Variants in CFAP58 observed in about 807,000 individuals in gnomAD.
CFAP58 encodes cilia- and flagella-associated protein 58.
A neutral mutation model predicts 119.5 loss-of-function variants in CFAP58; 88 were observed. That is an observed-to-expected ratio of 0.74 (90% CI 0.62 to 0.88). CFAP58 has a LOEUF of 0.88. Ranked by LOEUF, CFAP58 falls within the 40% of genes least tolerant of loss-of-function variation. CFAP58 has a pLI of 0.00. For missense variants in CFAP58, 990 were observed against 1,021.2 expected (o/e 0.97, Z 0.42); for synonymous variants, 365 against 366.3 (o/e 1.00, Z 0.04).
intron 15 of CFAP58, among the ~76,000 whole-genome samples, chr10:104,425,407 C>A (rs1005364519): frequency 3.3e-5 from 5 of 151,956 alleles, no homozygotes; most frequent in Non-Finnish European, 4.4e-5. Context: ...TTGGTGGGAC[C>A]AATTATATGT....
rs573751667 is a variant in CFAP58 at position 104,419,562 on chromosome 10, CT to C, written c.2256+12782del. ...TAGGGACTGTTCTTTTATCTGTGTC[CT>C]TTTTTTTTTTTTACTTTTGAAAATT... On this transcript the variant is annotated intron_variant, in intron 15 of 17. Transcript: ENST00000369704. Among the ~76,000 whole-genome samples, 646 of 142,656 alleles carry C rather than the reference CT, an allele frequency of 4.5e-3. 1 individual carries two copies. The highest frequency in any genetic ancestry group is 7.2e-3 in the Middle Eastern group (2 of 276). The allele number at this position is 142,656 out of a possible 152,430, so 93.6% of individuals were successfully genotyped here. A position where few individuals can be genotyped will look rare whatever the true frequency, so the allele number is the denominator to read the frequency against.
chr10:104,358,041 A>T (rs1004779446), intron 1 of CFAP58, among the ~76,000 whole-genome samples: 1 of 149,738 alleles, frequency 6.7e-6, no homozygotes, highest in Non-Finnish European at 1.5e-5. Context: ...ATATGTACAT[A>T]TACACACATA....
At chr10:104,415,276 G>A (rs1005942349) in intron 15 of CFAP58, among the ~76,000 whole-genome samples, 18 of 152,164 alleles carry the variant, frequency 1.2e-4, no homozygotes, top group African/African-American at 4.1e-4. Context: ...AAGTGAGATG[G>A]GGAGGGAGGA....
chr10:104,362,294 G>C (rs2014678693), intron 3 of CFAP58, 123 bp downstream of exon 3: 1 of 781,118 alleles, frequency 1.3e-6, no homozygotes, highest in Admixed American at 3.4e-5. Flanking sequence ...CTTCTTTATT[G>C]GGTTCTTAGA....
Position 104,392,304 on chromosome 10 carries a change from A to G in CFAP58, c.1437A>G (p.Glu479=). Reference sequence around the variant, plus strand: ...TTGACTACAGGAAAAAAATAGCTGAATCAGAGATTAAATTAAAACAGCAAC... The same window carrying G: ...TTGACTACAGGAAAAAAATAGCTGAGTCAGAGATTAAATTAAAACAGCAAC... The part of the protein sequence containing the change: ...QIFDYRKKIA[E]SEIKLKQQQN... Residue 479 remains glutamate, a synonymous_variant, in exon 10 of 18, where the codon GAA becomes GAG. Transcript: ENST00000369704. The G allele has an allele frequency of 1.9e-6, 3 of 1,613,156 alleles. No individual in the cohort carries two copies. The highest frequency in any genetic ancestry group is 1.1e-5 in the South Asian group (1 of 90,882).
In CFAP58 at chr10:104,357,882, CATATAT is replaced by C. The variant is rs1261987214; in HGVS notation, c.10-457_10-452del. On this transcript the variant is annotated intron_variant, in intron 1 of 17. Coordinates refer to ENST00000369704, the MANE Select transcript of CFAP58 (RefSeq NM_001008723.2). The stretch of plus-strand genomic sequence containing the variant: ...ACACATATATACACATATATGTACA[CATATAT>C]AAACATATATGTACACATATACACA... Among the ~76,000 whole-genome samples the C allele has an allele frequency of 2.8e-5, 3 of 108,484 alleles. No homozygotes were observed. The East Asian group carries it at 6.6e-4, about 24-fold the overall frequency. 71.2% of individuals were successfully genotyped at this position (108,484 alleles called of 152,430 possible).
At chr10:104,398,783 G>T (rs1211333755) in intron 11 of CFAP58, among the ~76,000 whole-genome samples, 2 of 152,178 alleles carry the variant, frequency 1.3e-5, no homozygotes, top group African/African-American at 4.8e-5. Flanking sequence ...CCTCTCATCT[G>T]GGTTGGAAGT....
intron 15 of CFAP58, among the ~76,000 whole-genome samples, chr10:104,446,584 T>C (rs1396375544): frequency 6.6e-6 from 1 of 152,258 alleles, no homozygotes; most frequent in Non-Finnish European, 1.5e-5. Flanking sequence ...AGGTAAAAAT[T>C]AATATCCATT....
At chr10:104,357,973 A>ATATG (rs1564876227) in intron 1 of CFAP58, among the ~76,000 whole-genome samples, 2 of 138,362 alleles carry the variant, frequency 1.4e-5, no homozygotes, top group Non-Finnish European at 3.0e-5. Flanking sequence ...ATGTACACAT[A>ATATG]TGTACATATG....
chr10:104,400,932 G>A, intron 13 of CFAP58, 29 bp downstream of exon 13: 1 of 1,554,282 alleles, frequency 6.4e-7, no homozygotes, highest in Non-Finnish European at 8.9e-7. Flanking sequence ...CAGGGCTGAA[G>A]GCACAGTGCA....
intron 15 of CFAP58, among the ~76,000 whole-genome samples, chr10:104,429,300 G>C (rs1357295583): frequency 1.3e-5 from 2 of 152,190 alleles, no homozygotes; most frequent in Non-Finnish European, 1.5e-5. Context: ...TGGGAGTGTT[G>C]AGTAGGGTCC....
In CFAP58 at chr10:104,392,341, G is replaced by C; in HGVS notation, c.1474G>C (p.Glu492Gln). ...IKLKQQQNLY[E>Q]AVRSDRNLYS... ...ATTAAAACAGCAACAGAACCTATAT[G>C]AAGCTGTGAGATCAGACAGAAATCT... The change falls in exon 10 of 18, where the codon GAA (glutamate) becomes CAA (glutamine). Residue 492 changes from glutamate to glutamine, a missense_variant. Physicochemically the swap from Glu to Gln is conservative, Grantham distance 29. Transcript: ENST00000369704. 6.2e-7 allele frequency: 1 copy of C among 1,611,488 alleles called. No individual in the cohort carries two copies. Among genetic ancestry groups the C allele is most frequent in the Non-Finnish European group, 8.5e-7 (1 of 1,179,098 alleles).
Position 104,399,399 on chromosome 10 carries a change from A to G in CFAP58, c.1714A>G (p.Lys572Glu), listed in dbSNP as rs766183133. ...GCTGAGACAACAAGCCCTGGAGACA[A>G]AACACTTTATTGAAAAGCAAGAAGC... ...QKLRQQALET[K>E]HFIEKQEAEE... Residue 572 changes from lysine (K) to glutamate (E), a missense_variant, in exon 12 of 18, where the codon AAA (lysine) becomes GAA (glutamate). Coordinates refer to ENST00000369704, the MANE Select transcript of CFAP58 (RefSeq NM_001008723.2). 6 of 1,613,852 alleles carry G rather than the reference A, an allele frequency of 3.7e-6. No individual in the cohort carries two copies. Among genetic ancestry groups the G allele is most frequent in the East Asian group, 4.5e-5 (2 of 44,890 alleles).
At chr10:104,392,211 C>A in intron 9 of CFAP58, 22 bp from the exon 10 acceptor site, 2 of 1,604,302 alleles carry the variant, frequency 1.2e-6, no homozygotes, top group Non-Finnish European at 1.7e-6. Flanking sequence ...TAACCACATT[C>A]ATATATGTCT....
chr10:104,365,954 G>A lies in CFAP58; in HGVS notation c.738G>A (p.Val246=), dbSNP rs371570321. 1.9e-6 allele frequency: 3 copies of A among 1,611,740 alleles called. No homozygotes were observed. The highest frequency in any genetic ancestry group is 2.7e-5 in the African/African-American group (2 of 74,796). Residue 246 remains valine, a synonymous_variant, in exon 5 of 18, where the codon GTG becomes GTA. Transcript: ENST00000369704. ...QTEIKALQQY[V]QKSKEELQKL... ...AAATAAAAGCCCTGCAGCAGTATGT[G>A]CAGAAGAGCAAGGAGGAGCTTCAGA...
chr10:104,449,386 G>A lies in CFAP58; in HGVS notation c.2377-685G>A, dbSNP rs573537322. Among the ~76,000 whole-genome samples the A allele has an allele frequency of 2.6e-5, 4 of 152,046 alleles. No homozygotes were observed. In the South Asian group the frequency reaches 8.3e-4, roughly 32 times the overall value. On this transcript the variant is annotated intron_variant, in intron 16 of 17. Transcript: ENST00000369704. Reference sequence around the variant, plus strand: ...CAATACCCTTCCTTTTCTCTTTTTGGTTTTGGTGGGGAGCACACCCCAGCT... The same window carrying A: ...CAATACCCTTCCTTTTCTCTTTTTGATTTTGGTGGGGAGCACACCCCAGCT...
intron 1 of CFAP58, among the ~76,000 whole-genome samples, chr10:104,356,882 T>C (rs1453848943): frequency 6.6e-6 from 1 of 152,238 alleles, no homozygotes; most frequent in African/African-American, 2.4e-5. Flanking sequence ...CATCATAGAA[T>C]TTATGTATGG....
chr10:104,434,918 G>A (rs1184028268), intron 15 of CFAP58, among the ~76,000 whole-genome samples: 1 of 152,204 alleles, frequency 6.6e-6, no homozygotes, highest in Non-Finnish European at 1.5e-5. Flanking sequence ...TAGGACTTGT[G>A]ACCTTGGTCA....
intron 16 of CFAP58, among the ~76,000 whole-genome samples, chr10:104,449,043 G>A (rs1305587789): frequency 6.6e-6 from 1 of 152,160 alleles, no homozygotes; most frequent in Non-Finnish European, 1.5e-5. Context: ...TTTAGAGGTG[G>A]GTGGTACTGA....
Sources: gnomAD v4.1 joint callset for allele counts (sites outside exome capture counted in the v4.1 genomes callset) on GRCh38, gnomAD v4.1.1 for gene constraint, MANE v1.5 for transcripts, NCBI Gene and HGNC (gene_info 2026-07-23, HGNC 2026-07-21) for gene names.